Variants in CTNND2 observed in about 807,000 individuals in gnomAD.
The protein encoded by CTNND2 is catenin delta-2.
Under a neutral mutation model 144.4 loss-of-function variants are expected in CTNND2, and 22 were observed. That is an observed-to-expected ratio of 0.15 (90% CI 0.11 to 0.22). CTNND2 has a LOEUF of 0.22. Among genes scored for constraint, CTNND2 ranks in the 10% least tolerant of loss-of-function variants. CTNND2 has a pLI of 1.00. For missense variants in CTNND2, 1,353 were observed against 1,618.8 expected (o/e 0.84, Z 2.82); for synonymous variants, 751 against 695.6 (o/e 1.08, Z -1.25).
intron 3 of CTNND2, among the ~76,000 whole-genome samples, chr5:11,520,072 A>G (rs770793100): frequency 6.6e-6 from 1 of 150,820 alleles, no homozygotes; most frequent in Non-Finnish European, 1.5e-5. Context: ...ACTCGAACCC[A>G]GGAGGAAGAG....
At chr5:11,234,517 CCATGACT>C (rs898228322) in intron 10 of CTNND2, among the ~76,000 whole-genome samples, 1 of 152,222 alleles carries the variant, frequency 6.6e-6, no homozygotes, top group African/African-American at 2.4e-5. Context: ...CATCCATCTG[CCATGACT>C]CATGTGCTGG....
intron 12 of CTNND2, among the ~76,000 whole-genome samples, chr5:11,149,258 C>T (rs754625887): frequency 6.0e-4 from 91 of 152,222 alleles, no homozygotes; most frequent in Non-Finnish European, 8.1e-4. Flanking sequence ...GCACCCATCA[C>T]GGTGACGCTT....
At position 11,095,715 on chromosome 5, in the gene CTNND2, T is replaced by C. The variant is rs538231526; in HGVS notation, c.2637+2860A>G. Among the ~76,000 whole-genome samples, 4 of 152,336 alleles carry C rather than the reference T, an allele frequency of 2.6e-5. No homozygotes were observed. In the South Asian group the frequency reaches 8.3e-4, roughly 32 times the overall value. On this transcript the variant is annotated intron_variant, in intron 15 of 21. Transcript: ENST00000304623. The stretch of plus-strand genomic sequence containing the variant: ...ATGAATGATTAGTGCCACTGATCCT[T>C]AAATTTGGTGTTTAGATGTGGCGCA...
rs566771271 is a variant in CTNND2 at position 11,407,296 on chromosome 5, CA to C, written c.439+4239del. ...GTGACTCAGTGACTAGTTTGTTTAA[CA>C]ATATTTGTTAAAATTGAAATTACAC... On this transcript the variant is annotated intron_variant, in intron 5 of 21. Transcript: ENST00000304623. Among the ~76,000 whole-genome samples, 1,188 of 152,200 alleles carry C rather than the reference CA, an allele frequency of 7.8e-3. 22 individuals are homozygous for C. The highest frequency in any genetic ancestry group is 0.027 in the African/African-American group (1,105 of 41,516).
intron 15 of CTNND2, among the ~76,000 whole-genome samples, chr5:11,095,109 A>C (rs1411340724): frequency 2.0e-5 from 3 of 152,198 alleles, no homozygotes; most frequent in African/African-American, 7.2e-5. Context: ...AAAAATAGTA[A>C]ATGCTTTTTA....
At chr5:11,131,166 A>C (rs1755556645) in intron 12 of CTNND2, among the ~76,000 whole-genome samples, 1 of 152,212 alleles carries the variant, frequency 6.6e-6, no homozygotes, top group Admixed American at 6.5e-5. Context: ...TGTGATTTAT[A>C]TGACAAGTCA....
At position 11,105,799 on chromosome 5, in the gene CTNND2, T is replaced by A. The variant is rs942808263; in HGVS notation, c.2463+5059A>T. ...GTGATCTTTGCAGGCTCATGAGATA[T>A]GTTGCTTCCAGGACATGAAATATCA... is the stretch of plus-strand genomic sequence containing the variant. On this transcript the variant is annotated intron_variant, in intron 14 of 21. Coordinates refer to ENST00000304623, the MANE Select transcript of CTNND2 (RefSeq NM_001332.4). Among the ~76,000 whole-genome samples, 28 of 152,290 alleles carry A rather than the reference T, an allele frequency of 1.8e-4. 1 individual carries two copies. Among genetic ancestry groups the A allele is most frequent in the African/African-American group, 5.3e-4 (22 of 41,558 alleles).
intron 2 of CTNND2, among the ~76,000 whole-genome samples, chr5:11,680,134 G>C (rs1784361969): frequency 6.6e-6 from 1 of 152,262 alleles, no homozygotes; most frequent in South Asian, 2.1e-4. Context: ...AGGAAAAACT[G>C]TGAGGTGTAA....
chr5:11,432,884 G>C (rs1405440403), intron 3 of CTNND2, among the ~76,000 whole-genome samples: 2 of 152,154 alleles, frequency 1.3e-5, no homozygotes, highest in Non-Finnish European at 2.9e-5. Flanking sequence ...CAGACACAAA[G>C]TGGGAGTATA....
In CTNND2 at chr5:11,738,450, T is replaced by C. The variant is rs115982425; in HGVS notation, c.38-6178A>G. On this transcript the variant is annotated intron_variant, in intron 1 of 21. Coordinates refer to ENST00000304623, the MANE Select transcript of CTNND2 (RefSeq NM_001332.4). ...ATAGTCTAAACTTTTCTTTCCCAAATAGGAGTCTCTATAAATTTACATTAC... is the reference window on the plus strand; with the variant it reads ...ATAGTCTAAACTTTTCTTTCCCAAACAGGAGTCTCTATAAATTTACATTAC... 5.8e-3 allele frequency among the ~76,000 whole-genome samples: 886 copies of C among 152,306 alleles called. 10 individuals are homozygous for C. Among genetic ancestry groups the C allele is most frequent in the African/African-American group, 0.02 (845 of 41,574 alleles).
chr5:11,780,139 C>T (rs2126845795), intron 1 of CTNND2, among the ~76,000 whole-genome samples: 1 of 152,302 alleles, frequency 6.6e-6, no homozygotes, highest in Middle Eastern at 3.4e-3. Context: ...ACATTGAAGG[C>T]AGGGCCAGGT....
chr5:11,751,207 G>A (rs748737483), intron 1 of CTNND2, among the ~76,000 whole-genome samples: 13 of 151,800 alleles, frequency 8.6e-5, no homozygotes, highest in Non-Finnish European at 1.5e-4. Flanking sequence ...AATTTCTCAA[G>A]TGTAAAGCAG....
chr5:11,361,516 A>G (rs752979109), intron 8 of CTNND2, among the ~76,000 whole-genome samples: 26 of 152,156 alleles, frequency 1.7e-4, no homozygotes, highest in Non-Finnish European at 3.4e-4. Flanking sequence ...ATTACTCAAC[A>G]TCTCTGTGCC....
At chr5:11,832,971 T>A (rs951051858) in intron 1 of CTNND2, among the ~76,000 whole-genome samples, 2 of 151,702 alleles carry the variant, frequency 1.3e-5, no homozygotes, top group Non-Finnish European at 1.5e-5. Flanking sequence ...AGAAAAAAAA[T>A]TATATATATT....
rs113589082 is a variant in CTNND2, at chr5:10,992,811, C to T, written c.3085-134G>A. 2,904 of 1,227,248 alleles carry T rather than the reference C, an allele frequency of 2.4e-3. 3 individuals are homozygous for T. Among genetic ancestry groups the T allele is most frequent in the Admixed American group, 3.9e-3 (181 of 46,332 alleles). 76.0% of individuals were successfully genotyped at this position (1,227,248 alleles called of 1,614,324 possible). A position where few individuals can be genotyped will look rare whatever the true frequency, so the allele number is the denominator to read the frequency against. ...GTCAGAAGAGGTTCTTGAAGTTCTG[C>T]GCTCTCATGGAGGTGAACAGAGCCA... On this transcript the variant is annotated intron_variant, in intron 18 of 21. Coordinates refer to ENST00000304623, the MANE Select transcript of CTNND2 (RefSeq NM_001332.4).
chr5:11,485,848 GAAAGGTCTTTCT>G (rs1262647347), intron 3 of CTNND2, among the ~76,000 whole-genome samples: 2 of 152,114 alleles, frequency 1.3e-5, no homozygotes, highest in African/African-American at 4.8e-5. Flanking sequence ...CTTTCATTGA[GAAAGGTCTTTCT>G]AAACAAGATG....
chr5:11,725,938 G>T (rs1786992710), intron 2 of CTNND2, among the ~76,000 whole-genome samples: 2 of 152,078 alleles, frequency 1.3e-5, no homozygotes, highest in South Asian at 4.1e-4. Flanking sequence ...GCTTCCTCTA[G>T]AATATTCTAT....
In CTNND2 at chr5:11,385,034, C is replaced by G. The variant is rs1275186027; in HGVS notation, c.808G>C (p.Ala270Pro). Residue 270 changes from alanine to proline, a missense_variant, in exon 7 of 22, where the codon GCC (alanine) becomes CCC (proline). By Grantham distance (27) the Ala-to-Pro change is conservative. Coordinates refer to ENST00000304623, the MANE Select transcript of CTNND2 (RefSeq NM_001332.4). The part of the protein sequence containing the change: ...PAPPRGGSPL[A>P]APQGGSPTKL... Reference sequence around the variant, plus strand: ...GTGGGCGAACCGCCCTGGGGCGCGGCCAGCGGGGAGCCCCCGCGCGGCGGC... The same window carrying G: ...GTGGGCGAACCGCCCTGGGGCGCGGGCAGCGGGGAGCCCCCGCGCGGCGGC... The G allele has an allele frequency of 2.5e-6, 3 of 1,196,544 alleles. No homozygotes were observed. Among genetic ancestry groups the G allele is most frequent in the Non-Finnish European group, 3.1e-6 (3 of 970,080 alleles). The allele number at this position is 1,196,544 out of a possible 1,614,324, so 74.1% of individuals were successfully genotyped here.
intron 9 of CTNND2, among the ~76,000 whole-genome samples, chr5:11,274,637 G>A: frequency 6.7e-6 from 1 of 150,324 alleles, no homozygotes. Context: ...AATTTTCCTG[G>A]AGCAAGATTT....
Sources: allele counts gnomAD v4.1 joint callset (sites outside exome capture counted in the v4.1 genomes callset), GRCh38; gene constraint gnomAD v4.1.1; transcripts MANE v1.5; gene names NCBI Gene and HGNC (gene_info 2026-07-23, HGNC 2026-07-21).